The following ZMYM4 variants were observed in gnomAD, a reference collection of about 807,000 sequenced individuals.
ZMYM4 encodes the protein zinc finger MYM-type containing 4.
In ZMYM4, 31 loss-of-function variants were observed where a neutral mutation model predicts 183.2. The ratio of observed to expected loss-of-function variants is 0.17; its 90% confidence interval spans 0.13 to 0.23. ZMYM4 has a LOEUF of 0.23. Among genes scored for constraint, ZMYM4 ranks in the 10% least tolerant of loss-of-function variants. The pLI is 1.00. For synonymous variants in ZMYM4, 592 were observed against 631.2 expected, an observed-to-expected ratio of 0.94 and a Z score of 0.93; for missense variants, 1,273 against 1,840.3, an observed-to-expected ratio of 0.69 and a Z score of 5.64.
intron 7 of ZMYM4, 98 bp downstream of exon 7, chr1:35,370,725 T>TA: frequency 1.3e-5 from 10 of 767,384 alleles, no homozygotes; most frequent in South Asian, 5.6e-5. Flanking sequence ...CTACATTTAT[T>TA]CCTTTTTTTT....
In ZMYM4 at chr1:35,419,988, T is replaced by G. The variant is rs912707525; in HGVS notation, c.*311T>G. 2.8e-6 allele frequency: 1 copy of G among 359,006 alleles called. No homozygotes were observed. Among genetic ancestry groups the G allele is most frequent in the South Asian group, 2.4e-5 (1 of 40,832 alleles). The allele number at this position is 359,006 out of a possible 1,614,324, so 22.2% of individuals were successfully genotyped here. ...CGTGGAATATTTTTAAGGAAAACTG[T>G]TGTATAAAACTTTACCATAGTAACC... On this transcript the variant is annotated 3_prime_UTR_variant, in exon 30 of 30. Coordinates refer to ENST00000314607, the MANE Select transcript of ZMYM4 (RefSeq NM_005095.3).
intron 5 of ZMYM4, among the ~76,000 whole-genome samples, chr1:35,367,961 G>C (rs932978219): frequency 6.6e-6 from 1 of 151,886 alleles, no homozygotes; most frequent in African/African-American, 2.4e-5. Flanking sequence ...GTGAAACTCT[G>C]TCTCAAAAAA....
intron 2 of ZMYM4, among the ~76,000 whole-genome samples, chr1:35,348,071 A>G (rs1435788294): frequency 6.6e-6 from 1 of 152,202 alleles, no homozygotes; most frequent in Non-Finnish European, 1.5e-5. Flanking sequence ...GGATCATTCT[A>G]AAAAGTAAAG....
chr1:35,401,330 A>G (rs567542717), intron 23 of ZMYM4, among the ~76,000 whole-genome samples: 10 of 152,318 alleles, frequency 6.6e-5, no homozygotes, highest in African/African-American at 2.4e-4. Flanking sequence ...ATTCTAGTCA[A>G]TGTATAGTGG....
At chr1:35,406,949 T>C (rs1645012912) in intron 25 of ZMYM4, among the ~76,000 whole-genome samples, 1 of 152,156 alleles carries the variant, frequency 6.6e-6, no homozygotes, top group Non-Finnish European at 1.5e-5. Context: ...AAAATCTTAA[T>C]ATGAGAAATG....
intron 1 of ZMYM4, among the ~76,000 whole-genome samples, chr1:35,321,865 A>C (rs968705865): frequency 6.6e-5 from 10 of 152,044 alleles, no homozygotes; most frequent in Non-Finnish European, 1.2e-4. Context: ...TTTTTAACCT[A>C]GTGATCCCAC....
At chr1:35,357,501 A>AT (rs1225116766) in intron 2 of ZMYM4, among the ~76,000 whole-genome samples, 17 of 152,194 alleles carry the variant, frequency 1.1e-4, no homozygotes, top group Admixed American at 6.5e-5. Context: ...TGTGGACTGA[A>AT]TTAGTATACC....
chr1:35,340,369 A>G (rs1237133139), intron 2 of ZMYM4, among the ~76,000 whole-genome samples: 2 of 152,120 alleles, frequency 1.3e-5, no homozygotes, highest in African/African-American at 4.8e-5. Context: ...AGGGAGAGGC[A>G]GGATGGTTTT....
rs763553720 is a variant in ZMYM4 at position 35,415,536 on chromosome 1, C to T, written c.4131C>T (p.Ile1377=). ...ECKQLGAYSP[I]VLLNTLLFFN... is the part of the protein sequence containing the mutation. ...AACAGCTGGGCGCTTACTCACCAAT[C>T]GTCCTTTTAAACACCCTCCTTTTCT... The change falls in exon 28 of 30, where the codon ATC becomes ATT. Residue 1377 remains isoleucine, a synonymous_variant. Coordinates refer to ENST00000314607, the MANE Select transcript of ZMYM4 (RefSeq NM_005095.3). 4 of 1,614,194 alleles carry T rather than the reference C, an allele frequency of 2.5e-6. No homozygotes were observed. The highest frequency in any genetic ancestry group is 3.4e-6 in the Non-Finnish European group (4 of 1,180,024).
intron 5 of ZMYM4, among the ~76,000 whole-genome samples, chr1:35,365,447 T>TCATAATAATAGAG (rs766554073): frequency 6.6e-6 from 1 of 152,112 alleles, no homozygotes; most frequent in Non-Finnish European, 1.5e-5. Context: ...TTCTTCTTGT[T>TCATAATAATAGAG]CATAATAATA....
chr1:35,367,589 A>C (rs1452941999), intron 5 of ZMYM4, among the ~76,000 whole-genome samples: 1 of 152,214 alleles, frequency 6.6e-6, no homozygotes, highest in Non-Finnish European at 1.5e-5. Context: ...AGTCAGACTG[A>C]AAATGATATA....
At chr1:35,414,431 A>AAC (rs1296244647) in intron 27 of ZMYM4, among the ~76,000 whole-genome samples, 1 of 152,200 alleles carries the variant, frequency 6.6e-6, no homozygotes, top group African/African-American at 2.4e-5. Flanking sequence ...AACTGTTGTT[A>AAC]AGAGAGTTAA....
chr1:35,381,056 T>C (rs1644447882), intron 7 of ZMYM4, among the ~76,000 whole-genome samples: 1 of 152,242 alleles, frequency 6.6e-6, no homozygotes, highest in Admixed American at 6.5e-5. Context: ...AAGTAGGTGC[T>C]GTTAATTCCA....
At chr1:35,347,161 AC>A (rs1241734796) in intron 2 of ZMYM4, among the ~76,000 whole-genome samples, 1 of 152,126 alleles carries the variant, frequency 6.6e-6, no homozygotes. Context: ...GCACGCCACC[AC>A]ACCTGGCTAA....
intron 1 of ZMYM4, among the ~76,000 whole-genome samples, chr1:35,321,818 A>C (rs1642293336): frequency 6.6e-6 from 1 of 152,088 alleles, no homozygotes; most frequent in South Asian, 2.1e-4. Flanking sequence ...TTAAATTTTA[A>C]AAAATTAAAT....
intron 1 of ZMYM4, among the ~76,000 whole-genome samples, chr1:35,282,979 G>GTTTTTTTTT (rs1452098602): frequency 9.3e-5 from 4 of 43,240 alleles, no homozygotes; most frequent in Admixed American, 7.6e-4. Context: ...CTGTGTGTGT[G>GTTTTTTTTT]GTTTTTTTTT....
chr1:35,311,189 G>A lies in ZMYM4; in HGVS notation c.40-14171G>A, dbSNP rs141480900. ...AATCCCAGCACTTTGGGAGACTGAG[G>A]CAGGTGGATCACCTGAGGTCAGGAG... On this transcript the variant is annotated intron_variant, in intron 1 of 29. Coordinates refer to ENST00000314607, the MANE Select transcript of ZMYM4 (RefSeq NM_005095.3). Among the ~76,000 whole-genome samples, 17 of 152,054 alleles carry A rather than the reference G, an allele frequency of 1.1e-4. 2 individuals are homozygous for A. Among genetic ancestry groups the A allele is most frequent in the African/African-American group, 3.6e-4 (15 of 41,486 alleles).
Position 35,322,890 on chromosome 1 carries a change from C to T in ZMYM4, c.40-2470C>T, listed in dbSNP as rs561756198. ...TATCTTTAATAGAGATGGGGTTTCA[C>T]CATGTTGGCCAGGCTGGTCTTGAAC... On this transcript the variant is annotated intron_variant, in intron 1 of 29. Transcript: ENST00000314607. 1.3e-3 allele frequency among the ~76,000 whole-genome samples: 198 copies of T among 151,606 alleles called. 1 individual carries two copies. The highest frequency in any genetic ancestry group is 3.4e-3 in the Middle Eastern group (1 of 292).
chr1:35,352,759 T>C (rs1374885846), intron 2 of ZMYM4, among the ~76,000 whole-genome samples: 3 of 152,336 alleles, frequency 2.0e-5, no homozygotes, highest in Admixed American at 1.3e-4. Flanking sequence ...TAGTGTCTTT[T>C]TCTGACTCCT....
Sources: gnomAD v4.1 joint callset for allele counts (sites outside exome capture counted in the v4.1 genomes callset) on GRCh38, gnomAD v4.1.1 for gene constraint, MANE v1.5 for transcripts, NCBI Gene and HGNC (gene_info 2026-07-23, HGNC 2026-07-21) for gene names.